The following CUX2 variants were observed in gnomAD, a reference collection of about 807,000 sequenced individuals.
The protein encoded by CUX2 is cut like homeobox 2, also known as homeobox protein cut-like 2.
Under a neutral mutation model 144.8 loss-of-function variants are expected in CUX2, and 40 were observed. That is an observed-to-expected ratio of 0.28 (90% confidence interval 0.21 to 0.36). The LOEUF (loss-of-function observed/expected upper bound fraction) is 0.36, where lower values mean the gene tolerates loss of function less well. CUX2 is among the 10% of genes least tolerant of loss of function. The probability of loss-of-function intolerance (pLI) is 1.00; values close to 1 mark genes in which losing one functional copy is unlikely to be tolerated. For synonymous variants in CUX2, 827 were observed against 875.6 expected (o/e 0.94, Z 0.98); for missense variants, 1,615 against 1,994.0 (o/e 0.81, Z 3.62).
At chr12:111,230,519 A>G (rs1882415888) in intron 3 of CUX2, among the ~76,000 whole-genome samples, 1 of 152,082 alleles carries the variant, frequency 6.6e-6, no homozygotes, top group Non-Finnish European at 1.5e-5. Flanking sequence ...AGTTTGAGAC[A>G]CTCGACCTCA....
At chr12:111,193,786 C>CG (rs550009587) in intron 1 of CUX2, among the ~76,000 whole-genome samples, 67 of 152,260 alleles carry the variant, frequency 4.4e-4, no homozygotes, top group African/African-American at 1.4e-3. Flanking sequence ...ATGTCAAGGT[C>CG]GGGGGAAGCC....
chr12:111,099,834 T>A, intron 1 of CUX2: 1 of 418,554 alleles, frequency 2.4e-6, no homozygotes, highest in Non-Finnish European at 4.8e-6. Context: ...GCGGGGCCGA[T>A]GGGCAGCTAG....
chr12:111,157,319 T>A (rs1357525779), intron 1 of CUX2, among the ~76,000 whole-genome samples: 1 of 150,570 alleles, frequency 6.6e-6, no homozygotes, highest in Non-Finnish European at 1.5e-5. Flanking sequence ...TGCCAGGCAC[T>A]AGTTGGGAGA....
chr12:111,179,209 G>A (rs1350209548), intron 1 of CUX2, among the ~76,000 whole-genome samples: 3 of 152,138 alleles, frequency 2.0e-5, no homozygotes, highest in African/African-American at 7.2e-5. Flanking sequence ...AAGGGTCAAG[G>A]ACTTTGGAAT....
intron 1 of CUX2, among the ~76,000 whole-genome samples, chr12:111,207,652 T>A (rs1037132276): frequency 6.6e-6 from 1 of 152,200 alleles, no homozygotes; most frequent in Non-Finnish European, 1.5e-5. Context: ...TTACAAGAGA[T>A]ACTGTACATA....
rs1299281429 is a variant in CUX2, at chr12:111,034,414, C to A, written c.63+174C>A. Reference sequence around the variant, plus strand: ...CCATCGATAGGTATTAGGAATTGATCTCGCCGCTGCTCTTTGTTCGGTTCA... The same window carrying A: ...CCATCGATAGGTATTAGGAATTGATATCGCCGCTGCTCTTTGTTCGGTTCA... On this transcript the variant is annotated intron_variant, in intron 1 of 21. Transcript: ENST00000261726. This position sits in a 1 kb window ranked among gnomAD's most constrained non-coding sequence, Gnocchi z 4.2. Among the ~76,000 whole-genome samples the A allele has an allele frequency of 6.6e-6, 1 of 151,430 alleles. No individual in the cohort carries two copies. The highest frequency in any genetic ancestry group is 1.5e-5 in the Non-Finnish European group (1 of 67,844).
In CUX2 at chr12:111,263,745, CTT is replaced by C; in HGVS notation, c.223-15_223-14del. The C allele has an allele frequency of 6.2e-7, 1 of 1,609,462 alleles. No individual in the cohort carries two copies. Among genetic ancestry groups the C allele is most frequent in the Non-Finnish European group, 8.5e-7 (1 of 1,175,866 alleles). On this transcript the variant is annotated splice_polypyrimidine_tract_variant and intron_variant, in intron 3 of 21. Coordinates refer to ENST00000261726, the MANE Select transcript of CUX2 (RefSeq NM_015267.4). This position sits in a 1 kb window ranked among gnomAD's most constrained non-coding sequence, Gnocchi z 4.0. ...GCCATGGTTACACGTGACTCTTTCTCTTGTTGTCTCCAAAGGTGGTGGCCCTT... is the reference window on the plus strand; with the variant it reads ...GCCATGGTTACACGTGACTCTTTCTCGTTGTCTCCAAAGGTGGTGGCCCTT...
intron 1 of CUX2, among the ~76,000 whole-genome samples, chr12:111,211,098 T>C (rs1881202069): frequency 6.6e-6 from 1 of 152,230 alleles, no homozygotes; most frequent in South Asian, 2.1e-4. Context: ...GCCTGGTACA[T>C]GTAAGCTTTC....
chr12:111,251,471 T>C (rs1354540332), intron 3 of CUX2, among the ~76,000 whole-genome samples: 1 of 152,206 alleles, frequency 6.6e-6, no homozygotes, highest in Non-Finnish European at 1.5e-5. Context: ...ATGATTACAC[T>C]GTTGCTAATA....
chr12:111,156,128 G>A (rs140681617), intron 1 of CUX2, among the ~76,000 whole-genome samples: 73 of 152,212 alleles, frequency 4.8e-4, no homozygotes, highest in African/African-American at 1.7e-3. Context: ...CGTTCCAAAT[G>A]AATGTTTCTT....
At chr12:111,093,974 G>A (rs998939863) in intron 1 of CUX2, among the ~76,000 whole-genome samples, 5 of 152,186 alleles carry the variant, frequency 3.3e-5, no homozygotes, top group South Asian at 2.1e-4. Context: ...ATAGTCGTTC[G>A]CGCCAGCAAG....
At chr12:111,047,351 G>C (rs1375279698) in intron 1 of CUX2, among the ~76,000 whole-genome samples, 1 of 152,092 alleles carries the variant, frequency 6.6e-6, no homozygotes, top group Non-Finnish European at 1.5e-5. Flanking sequence ...AAGTTTTTTA[G>C]ATTTTTTTTT....
chr12:111,314,659 AAAAAAAAAAC>A (rs60097646), intron 16 of CUX2, among the ~76,000 whole-genome samples: 20,109 of 117,840 alleles, frequency 0.17, 2,582 homozygotes, highest in East Asian at 0.72. Context: ...AAAAAAAAAA[AAAAAAAAAAC>A]CCCATCTCCT....
At chr12:111,139,657 G>C (rs981091733) in intron 1 of CUX2, among the ~76,000 whole-genome samples, 2 of 152,164 alleles carry the variant, frequency 1.3e-5, no homozygotes, top group African/African-American at 4.8e-5. Flanking sequence ...ACACCTGATT[G>C]ACAAAAATCT....
chr12:111,078,968 G>A (rs1871701214), intron 1 of CUX2, among the ~76,000 whole-genome samples: 1 of 152,212 alleles, frequency 6.6e-6, no homozygotes, highest in East Asian at 1.9e-4. Context: ...GAGGCCTATA[G>A]CCCCAAGCCT....
intron 18 of CUX2, among the ~76,000 whole-genome samples, chr12:111,333,365 CACA>C (rs1272117367): frequency 6.6e-6 from 1 of 152,132 alleles, no homozygotes; most frequent in African/African-American, 2.4e-5. Context: ...TCCTGGGCAA[CACA>C]GCAAGACCCT....
chr12:111,324,350 CAAAAAA>C (rs763180221), intron 18 of CUX2, among the ~76,000 whole-genome samples: 17 of 73,118 alleles, frequency 2.3e-4, no homozygotes, highest in Admixed American at 2.1e-3. Context: ...GACTCTGTCT[CAAAAAA>C]AAAAAAAAAA....
At chr12:111,211,555 T>C (rs1164396777) in intron 1 of CUX2, among the ~76,000 whole-genome samples, 2 of 152,164 alleles carry the variant, frequency 1.3e-5, no homozygotes, top group Non-Finnish European at 2.9e-5. Context: ...GGTTGCTGCA[T>C]TGTGGGAAGG....
At chr12:111,205,075 T>C (rs1880833986) in intron 1 of CUX2, among the ~76,000 whole-genome samples, 1 of 152,122 alleles carries the variant, frequency 6.6e-6, no homozygotes, top group African/African-American at 2.4e-5. Context: ...GATGGATGGC[T>C]CTGGTAACCC....
Sources: gnomAD v4.1 joint callset for allele counts (sites outside exome capture counted in the v4.1 genomes callset) on GRCh38, gnomAD v4.1.1 for gene constraint, Gnocchi (gnomAD v3.1) non-coding constraint, MANE v1.5 for transcripts, NCBI Gene and HGNC (gene_info 2026-07-23, HGNC 2026-07-21) for gene names.